FHIT: variants seen among roughly 807,000 people sequenced by gnomAD.
FHIT encodes fragile histidine triad diadenosine triphosphatase, also known as bis(5'-adenosyl)-triphosphatase.
In FHIT, 19 loss-of-function variants were observed where a neutral mutation model predicts 17.9. The ratio of observed to expected loss-of-function variants is 1.06; its 90% CI spans 0.74 to 1.56. FHIT has a LOEUF of 1.56. Ranked by LOEUF, FHIT falls within the 40% of genes most tolerant of loss-of-function variation. The pLI, the probability that FHIT is intolerant of heterozygous loss-of-function variation, is 0.00. For synonymous variants in FHIT, 81 were observed against 69.7 expected (o/e 1.16, Z -0.81); for missense variants, 248 against 189.2 (o/e 1.31, Z -1.82).
chr3:60,510,257 G>T (rs9826111), intron 5 of FHIT, among the ~76,000 whole-genome samples: 18,238 of 152,192 alleles, frequency 0.12, 1,265 homozygotes, highest in Middle Eastern at 0.22. Flanking sequence ...AGCCAGGATT[G>T]ATGGGTAACA....
At chr3:60,716,702 T>C (rs1716711) in intron 4 of FHIT, among the ~76,000 whole-genome samples, 147,676 of 152,274 alleles carry the variant, frequency 0.97, 71,666 homozygotes, top group East Asian at 1. Flanking sequence ...TCATTTGTTA[T>C]CATTATCAAG....
chr3:59,781,633 G>A (rs984629404), intron 8 of FHIT, among the ~76,000 whole-genome samples: 1 of 152,166 alleles, frequency 6.6e-6, no homozygotes, highest in Non-Finnish European at 1.5e-5. Context: ...CCCAGAGATG[G>A]CAAAAGTTAT....
chr3:60,673,670 C>A (rs1198537156), intron 4 of FHIT, among the ~76,000 whole-genome samples: 2 of 151,868 alleles, frequency 1.3e-5, no homozygotes, highest in Non-Finnish European at 2.9e-5. Flanking sequence ...GCACACGTTT[C>A]CCAGAATTTA....
intron 5 of FHIT, among the ~76,000 whole-genome samples, chr3:60,215,827 G>A (rs17336290): frequency 0.097 from 14,779 of 152,108 alleles, 968 homozygotes; most frequent in East Asian, 0.23. Flanking sequence ...TTGGTAACAC[G>A]AAATTTCCAA....
At chr3:59,876,129 C>T (rs1258806743) in intron 8 of FHIT, among the ~76,000 whole-genome samples, 1 of 151,830 alleles carries the variant, frequency 6.6e-6, no homozygotes, top group Non-Finnish European at 1.5e-5. Context: ...GTATTTAATG[C>T]CACTGAACTG....
chr3:60,379,012 C>T (rs1700694151), intron 5 of FHIT, among the ~76,000 whole-genome samples: 1 of 152,206 alleles, frequency 6.6e-6, no homozygotes, highest in African/African-American at 2.4e-5. Flanking sequence ...CTGTCTAAAA[C>T]TGGTTTTGTA....
At chr3:60,936,404 C>A (rs1708191043) in intron 3 of FHIT, among the ~76,000 whole-genome samples, 1 of 152,144 alleles carries the variant, frequency 6.6e-6, no homozygotes. Flanking sequence ...CAGGCCGACA[C>A]AATGTGTGTT....
intron 8 of FHIT, among the ~76,000 whole-genome samples, chr3:59,875,500 A>G (rs1703111858): frequency 6.6e-6 from 1 of 152,186 alleles, no homozygotes; most frequent in Non-Finnish European, 1.5e-5. Context: ...GAATAGGGAA[A>G]ATGTCCTGTG....
intron 4 of FHIT, among the ~76,000 whole-genome samples, chr3:60,704,780 G>T (rs1169024367): frequency 6.6e-6 from 1 of 152,102 alleles, no homozygotes; most frequent in Non-Finnish European, 1.5e-5. Context: ...AATCATTATA[G>T]CTGCTTCCTA....
At position 59,749,188 on chromosome 3, in the gene FHIT, T is replaced by C. The variant is rs1213258356; in HGVS notation, c.*397A>G. 2.6e-5 allele frequency: 6 copies of C among 229,862 alleles called. No homozygotes were observed. Among genetic ancestry groups the C allele is most frequent in the Non-Finnish European group, 5.2e-5 (6 of 115,990 alleles). 14.2% of individuals were successfully genotyped at this position (229,862 alleles called of 1,614,324 possible). On this transcript the variant is annotated 3_prime_UTR_variant, in exon 10 of 10. Coordinates refer to ENST00000492590, the MANE Select transcript of FHIT (RefSeq NM_002012.4). ...AAATTCAATATGTAGACATTTTTTT[T>C]GAAAAGGGAAGAAATAAGCAGGTGG...
At chr3:60,632,838 G>A (rs1553682763) in intron 4 of FHIT, among the ~76,000 whole-genome samples, 1 of 152,082 alleles carries the variant, frequency 6.6e-6, no homozygotes, top group Non-Finnish European at 1.5e-5. Flanking sequence ...TACCTTCTTA[G>A]ACAATACAAC....
intron 4 of FHIT, among the ~76,000 whole-genome samples, chr3:60,671,088 G>C (rs1258333662): frequency 6.6e-6 from 1 of 152,168 alleles, no homozygotes; most frequent in Admixed American, 6.5e-5. Context: ...CACAAAAGCT[G>C]CCAAATTGGG....
At chr3:60,743,676 C>T (rs903280058) in intron 4 of FHIT, among the ~76,000 whole-genome samples, 1 of 152,230 alleles carries the variant, frequency 6.6e-6, no homozygotes, top group South Asian at 2.1e-4. Context: ...CAACCTTCCA[C>T]TGGAGAGTGG....
At chr3:59,926,652 G>T (rs139457996) in intron 7 of FHIT, among the ~76,000 whole-genome samples, 1 of 152,098 alleles carries the variant, frequency 6.6e-6, no homozygotes, top group Non-Finnish European at 1.5e-5. Context: ...TATCACTAAC[G>T]GTGTGAAATG....
intron 3 of FHIT, among the ~76,000 whole-genome samples, chr3:60,923,296 C>T (rs1396376833): frequency 5.3e-5 from 8 of 152,192 alleles, no homozygotes; most frequent in Non-Finnish European, 1.0e-4. Flanking sequence ...TGTTTCATCC[C>T]TGCCTCTGCT....
chr3:61,175,942 T>C (rs999633270), intron 2 of FHIT, among the ~76,000 whole-genome samples: 1 of 152,220 alleles, frequency 6.6e-6, no homozygotes, highest in Non-Finnish European at 1.5e-5. Flanking sequence ...CCAAAACTAG[T>C]GGGCTTTTGA....
intron 4 of FHIT, among the ~76,000 whole-genome samples, chr3:60,699,412 T>C (rs1369403349): frequency 6.6e-6 from 1 of 152,156 alleles, no homozygotes; most frequent in African/African-American, 2.4e-5. Context: ...TTTGGATACT[T>C]GTCAGTGTGA....
Position 60,424,652 on chromosome 3 carries a change from T to C in FHIT, c.103+112208A>G, listed in dbSNP as rs574308283. On this transcript the variant is annotated intron_variant, in intron 5 of 9. Transcript: ENST00000492590. ...CATGGAAGAAAGATAAAATTAGCTG[T>C]CTTCTCTTTGTTGTTGATCAAATGT... Among the ~76,000 whole-genome samples, 7 of 152,256 alleles carry C rather than the reference T, an allele frequency of 4.6e-5. No homozygotes were observed. The South Asian group carries it at 1.5e-3, about 32-fold the overall frequency.
chr3:60,935,333 A>G (rs1354818078), intron 3 of FHIT, among the ~76,000 whole-genome samples: 1 of 152,242 alleles, frequency 6.6e-6, no homozygotes, highest in Non-Finnish European at 1.5e-5. Flanking sequence ...AATGACCAAA[A>G]ACAGACACAA....
Sources: gnomAD v4.1 joint callset for allele counts (sites outside exome capture counted in the v4.1 genomes callset) on GRCh38, gnomAD v4.1.1 for gene constraint, MANE v1.5 for transcripts, NCBI Gene and HGNC (gene_info 2026-07-23, HGNC 2026-07-21) for gene names.